Variants in MCM3 observed in about 807,000 individuals in gnomAD.
MCM3 encodes the protein minichromosome maintenance complex component 3, also known as DNA replication licensing factor MCM3.
A neutral mutation model predicts 91.3 loss-of-function variants in MCM3; 59 were observed. The observed-to-expected ratio is 0.65, with a 90% CI of 0.52 to 0.80. The LOEUF is 0.80. Among genes scored for constraint, MCM3 ranks in the 30% least tolerant of loss-of-function variants. MCM3 has a pLI of 0.00. For missense variants in MCM3, 919 were observed against 1,035.4 expected, an observed-to-expected ratio of 0.89 and a Z score of 1.54; for synonymous variants, 383 against 379.6, an observed-to-expected ratio of 1.01 and a Z score of -0.10.
intron 12 of MCM3, among the ~76,000 whole-genome samples, chr6:52,271,827 G>T (rs1037685208): frequency 2.0e-5 from 3 of 152,190 alleles, no homozygotes; most frequent in African/African-American, 2.4e-5. Flanking sequence ...CTTCAGGGAA[G>T]TCTAAAAGAA....
chr6:52,277,781 G>A, intron 6 of MCM3, 93 bp from the exon 7 acceptor site: 1 of 1,224,168 alleles, frequency 8.2e-7, no homozygotes, highest in Non-Finnish European at 1.2e-6. Context: ...GAAAATACTT[G>A]AAGAGGGCCA....
At chr6:52,275,356 T>G (rs1285282954) in intron 9 of MCM3, among the ~76,000 whole-genome samples, 1 of 152,222 alleles carries the variant, frequency 6.6e-6, no homozygotes, top group Non-Finnish European at 1.5e-5. Context: ...AGTTACATAA[T>G]CTTTTGTACC....
chr6:52,267,081 T>C (rs1458911239), intron 14 of MCM3, among the ~76,000 whole-genome samples: 2 of 147,664 alleles, frequency 1.4e-5, no homozygotes, highest in South Asian at 2.2e-4. Context: ...CCTTCTCTTT[T>C]ACCCAGGGTA....
At position 52,277,635 on chromosome 6, in the gene MCM3, G is replaced by C; in HGVS notation, c.933C>G (p.Asp311Glu). ...AGCAGAGGATTGCTTTCTTGACATA[G>C]TCATGCCCATGGATACTTGGGGCCA... ...KSLAPSIHGHDYVKKAILCLL... is the reference protein window; with the variant it reads ...KSLAPSIHGHEYVKKAILCLL... Residue 311 changes from aspartate (D) to glutamate (E), a missense_variant, in exon 7 of 17, where the codon GAC becomes GAG. By Grantham distance (45) the Asp-to-Glu change is conservative. Coordinates refer to ENST00000596288, the MANE Select transcript of MCM3 (RefSeq NM_002388.6). The C allele has an allele frequency of 6.2e-7, 1 of 1,613,980 alleles. No individual in the cohort carries two copies.
intron 15 of MCM3, among the ~76,000 whole-genome samples, 179 bp downstream of exon 15, chr6:52,266,432 T>C (rs1764647329): frequency 6.6e-6 from 1 of 152,190 alleles, no homozygotes; most frequent in Non-Finnish European, 1.5e-5. Context: ...GTATATAATA[T>C]AGCAAAGCTT....
chr6:52,284,558 CT>C (rs1196202966), intron 1 of MCM3, 38 bp downstream of exon 1: 39 of 1,560,206 alleles, frequency 2.5e-5, no homozygotes, highest in Non-Finnish European at 3.4e-5. Flanking sequence ...TCCGCAGGGG[CT>C]CCGAGCGCTA....
chr6:52,276,717 C>A (rs898362220), intron 8 of MCM3, among the ~76,000 whole-genome samples: 2 of 152,138 alleles, frequency 1.3e-5, no homozygotes, highest in Non-Finnish European at 2.9e-5. Flanking sequence ...CACAAATTTC[C>A]TTCATAGATT....
At chr6:52,270,217 T>C (rs993179845) in intron 12 of MCM3, among the ~76,000 whole-genome samples, 1 of 150,580 alleles carries the variant, frequency 6.6e-6, no homozygotes, top group South Asian at 2.1e-4. Flanking sequence ...TAATCCCAGC[T>C]ACTCAGGAGG....
At chr6:52,268,034 T>A in intron 13 of MCM3, 66 bp from the exon 14 acceptor site, 7 of 1,610,998 alleles carry the variant, frequency 4.3e-6, no homozygotes, top group South Asian at 3.3e-5. Context: ...CATCAAGAAC[T>A]CCCAGTCCCT....
chr6:52,273,998 GGAAT>G lies in MCM3; in HGVS notation c.1375-86_1375-83del, dbSNP rs1406910867. 21 of 1,118,912 alleles carry G rather than the reference GGAAT, an allele frequency of 1.9e-5. No homozygotes were observed. In the East Asian group the frequency reaches 5.3e-4, roughly 28 times the overall value. The allele number at this position is 1,118,912 out of a possible 1,614,324, so 69.3% of individuals were successfully genotyped here. On this transcript the variant is annotated intron_variant, in intron 9 of 16. Coordinates refer to ENST00000596288, the MANE Select transcript of MCM3 (RefSeq NM_002388.6). The stretch of plus-strand genomic sequence containing the variant: ...CAAGGCTGCTGCAGTTCTGGGAGTG[GGAAT>G]GAAAGGCTTGACCTCAAAGAGCAAA...
intron 11 of MCM3, among the ~76,000 whole-genome samples, chr6:52,272,745 C>A (rs1765243932): frequency 6.6e-6 from 1 of 152,164 alleles, no homozygotes; most frequent in Non-Finnish European, 1.5e-5. Context: ...TTTTCTGACT[C>A]CAAATTCTAC....
intron 12 of MCM3, among the ~76,000 whole-genome samples, chr6:52,269,814 A>G (rs2128276863): frequency 6.6e-6 from 1 of 151,378 alleles, no homozygotes; most frequent in South Asian, 2.1e-4. Context: ...ATCTTTTAAA[A>G]TGCTATTGTC....
Position 52,278,740 on chromosome 6 carries a change from A to C in MCM3, c.879+2T>G. On this transcript the variant is annotated splice_donor_variant, in intron 6 of 16. Coordinates refer to ENST00000596288, the MANE Select transcript of MCM3 (RefSeq NM_002388.6). LOFTEE classifies it high-confidence loss of function. ...CCTCAAATTTCTAAAGGATGCCCAG[A>C]CCTTGGATCGGGTTTTACTGAACTT... The C allele has an allele frequency of 6.2e-7, 1 of 1,607,272 alleles. No homozygotes were observed.
chr6:52,264,865 C>T, intron 16 of MCM3, 79 bp from the exon 17 acceptor site: 5 of 1,249,500 alleles, frequency 4.0e-6, no homozygotes, highest in South Asian at 2.4e-5. Flanking sequence ...TAGGAAAATC[C>T]ATAGTATTAA....
intron 4 of MCM3, among the ~76,000 whole-genome samples, chr6:52,281,167 C>G (rs969368174): frequency 6.6e-6 from 1 of 152,178 alleles, no homozygotes; most frequent in Non-Finnish European, 1.5e-5. Context: ...CCAGATCAAT[C>G]TGAACACCAA....
In MCM3 at chr6:52,279,619, G is replaced by T; in HGVS notation, c.532-20C>A. ...CTCATCCTAGAAAAAGGCACACAGAGGGACAGAGTGATCTCCGTCCTGTCT... is the reference window on the plus strand; with the variant it reads ...CTCATCCTAGAAAAAGGCACACAGATGGACAGAGTGATCTCCGTCCTGTCT... On this transcript the variant is annotated intron_variant, in intron 4 of 16. Transcript: ENST00000596288. 1 of 1,564,574 alleles carries T rather than the reference G, an allele frequency of 6.4e-7. No individual in the cohort carries two copies. The highest frequency in any genetic ancestry group is 1.1e-5 in the South Asian group (1 of 88,740).
chr6:52,275,517 T>C (rs1476941213), intron 9 of MCM3, among the ~76,000 whole-genome samples: 1 of 152,202 alleles, frequency 6.6e-6, no homozygotes. Context: ...AATTTTGCAA[T>C]CTCTACCAAA....
chr6:52,273,138 C>T lies in MCM3; in HGVS notation c.1676+92G>A, dbSNP rs968498735. 6.1e-6 allele frequency: 9 copies of T among 1,474,976 alleles called. No homozygotes were observed. The Admixed American group carries it at 1.5e-4, about 25-fold the overall frequency. The allele number at this position is 1,474,976 out of a possible 1,614,324, so 91.4% of individuals were successfully genotyped here. The stretch of plus-strand genomic sequence containing the variant: ...ACTCCAGGCATGGCTTTGACCTGGG[C>T]ATATAAGGCCTTAGCTAAGCTTAGA... On this transcript the variant is annotated intron_variant, in intron 11 of 16. Coordinates refer to ENST00000596288, the MANE Select transcript of MCM3 (RefSeq NM_002388.6).
chr6:52,272,256 C>T (rs747624167), intron 12 of MCM3, 45 bp downstream of exon 12: 1 of 1,594,018 alleles, frequency 6.3e-7, no homozygotes, highest in South Asian at 1.1e-5. Context: ...CCTGCCCAGC[C>T]ATATACCTAA....
Sources: gnomAD v4.1 joint callset for allele counts (sites outside exome capture counted in the v4.1 genomes callset) on GRCh38, gnomAD v4.1.1 for gene constraint, MANE v1.5 for transcripts, NCBI Gene and HGNC (gene_info 2026-07-23, HGNC 2026-07-21) for gene names.